The following SNTG1 variants were observed in gnomAD, a reference collection of about 807,000 sequenced individuals.
The protein encoded by SNTG1 is syntrophin gamma 1, also known as gamma-1-syntrophin.
In SNTG1, 39 loss-of-function variants were observed where a neutral mutation model predicts 74.7. The ratio of observed to expected loss-of-function variants is 0.52; its 90% confidence interval spans 0.40 to 0.68. The LOEUF is 0.68. Among genes scored for constraint, SNTG1 ranks in the 30% least tolerant of loss-of-function variants. The probability of loss-of-function intolerance (pLI) is 0.00; values close to 1 mark genes in which losing one functional copy is unlikely to be tolerated. For missense variants in SNTG1, 685 were observed against 609.5 expected (o/e 1.12, Z -1.30); for synonymous variants, 254 against 217.1 (o/e 1.17, Z -1.49).
chr8:50,786,978 A>C (rs1192472936), intron 18 of SNTG1, among the ~76,000 whole-genome samples: 1 of 152,046 alleles, frequency 6.6e-6, no homozygotes, highest in Non-Finnish European at 1.5e-5. Context: ...GGGGAAAAAA[A>C]TAGACAAATT....
chr8:50,517,337 A>T (rs118114446), intron 9 of SNTG1, among the ~76,000 whole-genome samples: 76 of 152,324 alleles, frequency 5.0e-4, no homozygotes, highest in Non-Finnish European at 8.7e-4. Context: ...GCCACTGCAA[A>T]AGTATACCAA....
At chr8:50,646,847 G>A (rs1563689276) in intron 13 of SNTG1, among the ~76,000 whole-genome samples, 1 of 152,116 alleles carries the variant, frequency 6.6e-6, no homozygotes, top group Non-Finnish European at 1.5e-5. Context: ...TCAAGGTAGT[G>A]TTGTATTCAG....
chr8:50,470,384 G>A (rs966840280), intron 8 of SNTG1, among the ~76,000 whole-genome samples: 2 of 152,254 alleles, frequency 1.3e-5, no homozygotes, highest in Admixed American at 6.5e-5. Context: ...AGACCCTCAC[G>A]GTGAGTGTTA....
chr8:50,184,186 G>C (rs2083303874), intron 2 of SNTG1, among the ~76,000 whole-genome samples: 1 of 152,014 alleles, frequency 6.6e-6, no homozygotes. Context: ...TATTTTTTGA[G>C]ATGGAGTCTT....
chr8:50,603,433 T>G (rs1179537271), intron 13 of SNTG1, among the ~76,000 whole-genome samples: 1 of 152,218 alleles, frequency 6.6e-6, no homozygotes. Context: ...CTTAAATCGC[T>G]TTGAGTTTCT....
chr8:50,320,245 G>T (rs1048694944), intron 2 of SNTG1, among the ~76,000 whole-genome samples: 2 of 152,108 alleles, frequency 1.3e-5, no homozygotes, highest in Non-Finnish European at 2.9e-5. Context: ...ACGATAGGTT[G>T]TATGTGTCTA....
At position 50,451,568 on chromosome 8, in the gene SNTG1, T is replaced by C. The variant is rs138881552; in HGVS notation, c.363+839T>C. Among the ~76,000 whole-genome samples, 79 of 152,232 alleles carry C rather than the reference T, an allele frequency of 5.2e-4. 1 individual carries two copies. The East Asian group carries it at 0.015, about 29-fold the overall frequency. ...GGTTTAGCAATAGACAGAGTAGTCATCCAGTTTTTCGGCAGTATTTTCTTA... is the reference window on the plus strand; with the variant it reads ...GGTTTAGCAATAGACAGAGTAGTCACCCAGTTTTTCGGCAGTATTTTCTTA... On this transcript the variant is annotated intron_variant, in intron 8 of 18. Transcript: ENST00000642720.
At chr8:49,914,842 A>T (rs1030460625) in intron 1 of SNTG1, 1 of 152,230 alleles carries the variant, frequency 6.6e-6, no homozygotes, top group African/African-American at 2.4e-5. Context: ...GCCACTAGGA[A>T]AGAAAAAAGC....
intron 16 of SNTG1, among the ~76,000 whole-genome samples, chr8:50,705,032 A>G (rs1340825879): frequency 1.3e-5 from 2 of 152,200 alleles, no homozygotes; most frequent in African/African-American, 4.8e-5. Context: ...AATCTAATAT[A>G]GAAAATACTC....
At chr8:50,527,600 T>C (rs77666235) in intron 9 of SNTG1, among the ~76,000 whole-genome samples, 4,528 of 152,124 alleles carry the variant, frequency 0.03, 102 homozygotes, top group Non-Finnish European at 0.046. Context: ...AATTTACATG[T>C]CTATTTTTTT....
At chr8:50,443,322 A>G (rs1563394089) in intron 5 of SNTG1, among the ~76,000 whole-genome samples, 1 of 152,212 alleles carries the variant, frequency 6.6e-6, no homozygotes, top group Admixed American at 6.5e-5. Context: ...TGTTATTACT[A>G]TAAATATATT....
intron 1 of SNTG1, among the ~76,000 whole-genome samples, chr8:50,001,545 T>C (rs1234395607): frequency 6.6e-6 from 1 of 152,236 alleles, no homozygotes; most frequent in African/African-American, 2.4e-5. Flanking sequence ...TACATACCTC[T>C]GGCTCATTGG....
At chr8:50,007,305 G>A (rs937739718) in intron 1 of SNTG1, among the ~76,000 whole-genome samples, 6 of 152,032 alleles carry the variant, frequency 3.9e-5, no homozygotes, top group African/African-American at 9.7e-5. Context: ...CCCCTACCTG[G>A]CCTGCTTTCT....
chr8:50,366,810 A>G (rs952129503), intron 2 of SNTG1, among the ~76,000 whole-genome samples: 7 of 145,940 alleles, frequency 4.8e-5, no homozygotes, highest in African/African-American at 1.5e-4. Context: ...AATAAAATAT[A>G]TTATATATAA....
intron 4 of SNTG1, among the ~76,000 whole-genome samples, chr8:50,414,803 C>T (rs2092994260): frequency 6.6e-6 from 1 of 151,800 alleles, no homozygotes; most frequent in Non-Finnish European, 1.5e-5. Context: ...AGTGTACAGG[C>T]CTGGCTTCTA....
At chr8:50,310,477 T>C (rs1345667379) in intron 2 of SNTG1, among the ~76,000 whole-genome samples, 1 of 152,024 alleles carries the variant, frequency 6.6e-6, no homozygotes, top group Non-Finnish European at 1.5e-5. Flanking sequence ...TCACCTGAGG[T>C]CAGAAGTTCA....
intron 1 of SNTG1, among the ~76,000 whole-genome samples, chr8:49,965,300 C>T (rs79670498): frequency 0.012 from 1,753 of 152,058 alleles, 33 homozygotes; most frequent in African/African-American, 0.04. Flanking sequence ...TAGGTGATGA[C>T]GATGATGTTA....
intron 15 of SNTG1, among the ~76,000 whole-genome samples, chr8:50,686,649 T>C (rs2095353620): frequency 6.6e-6 from 1 of 152,122 alleles, no homozygotes; most frequent in South Asian, 2.1e-4. Context: ...TAAAAATTTA[T>C]TTAAAATTAA....
intron 18 of SNTG1, among the ~76,000 whole-genome samples, chr8:50,768,121 C>G (rs1291152573): frequency 6.6e-6 from 1 of 151,864 alleles, no homozygotes; most frequent in East Asian, 1.9e-4. Flanking sequence ...GCTCCTTTTC[C>G]CCAAACATCT....
Sources: allele counts gnomAD v4.1 joint callset (sites outside exome capture counted in the v4.1 genomes callset), GRCh38; gene constraint gnomAD v4.1.1; transcripts MANE v1.5; gene names NCBI Gene and HGNC (gene_info 2026-07-23, HGNC 2026-07-21).